The following TMPRSS7 variants were observed in gnomAD, a reference collection of about 807,000 sequenced individuals.
TMPRSS7 encodes transmembrane serine protease 7.
Under a neutral mutation model 95.6 loss-of-function variants are expected in TMPRSS7, and 81 were observed. The observed-to-expected ratio is 0.85, with a 90% CI of 0.71 to 1.02. The LOEUF is 1.02. Ranked by LOEUF, TMPRSS7 falls within the 50% of genes least tolerant of loss-of-function variation. The pLI, the probability that TMPRSS7 is intolerant of heterozygous loss-of-function variation, is 0.00. For missense variants in TMPRSS7, 945 were observed against 955.2 expected (o/e 0.99, Z 0.14); for synonymous variants, 364 against 337.8 (o/e 1.08, Z -0.85).
intron 9 of TMPRSS7, among the ~76,000 whole-genome samples, chr3:112,051,855 C>T (rs1057036213): frequency 2.0e-5 from 3 of 152,026 alleles, no homozygotes; most frequent in Non-Finnish European, 2.9e-5. Context: ...TACGTATAGA[C>T]TCATTATTGT....
chr3:112,065,102 G>A (rs1244851271), intron 12 of TMPRSS7, among the ~76,000 whole-genome samples: 2 of 152,172 alleles, frequency 1.3e-5, no homozygotes, highest in Non-Finnish European at 2.9e-5. Context: ...GAGCAGTGGT[G>A]TGATCATAGC....
At chr3:112,076,914 T>G in exon 16 of TMPRSS7, 1 of 1,614,190 alleles carries the variant, frequency 6.2e-7, no homozygotes, top group South Asian at 1.1e-5. Flanking sequence ...CACCTCGGGA[T>G]GTATGTTCAG....
chr3:112,048,712 T>G (rs1289645486), intron 7 of TMPRSS7, among the ~76,000 whole-genome samples: 1 of 152,244 alleles, frequency 6.6e-6, no homozygotes, highest in East Asian at 1.9e-4. Context: ...TGGGGATGAA[T>G]GTGCATGTTA....
Position 112,038,090 on chromosome 3 carries a change from C to G in TMPRSS7, c.67C>G (p.Gln23Glu), listed in dbSNP as rs758056596. The G allele has an allele frequency of 4.1e-5, 29 of 702,292 alleles. No individual in the cohort carries two copies. The Middle Eastern group carries it at 6.8e-4, about 17-fold the overall frequency. The allele number at this position is 702,292 out of a possible 1,614,324, so 43.5% of individuals were successfully genotyped here. Residue 23 changes from glutamine to glutamate, a missense_variant, in exon 2 of 18, where the codon CAA becomes GAA. Transcript: ENST00000452346. ...TTTGAAGATATCCAATATCTCAGTC[C>G]AAGTGGTCAGTGCCCAAAAGAAGCT... is the stretch of plus-strand genomic sequence containing the variant.
Position 112,046,878 on chromosome 3 carries a change from C to T in TMPRSS7, c.692-96C>T. 2.8e-5 allele frequency: 19 copies of T among 687,824 alleles called. No homozygotes were observed. The South Asian group carries it at 3.0e-4, about 11-fold the overall frequency. The allele number at this position is 687,824 out of a possible 1,614,324, so 42.6% of individuals were successfully genotyped here. A position where few individuals can be genotyped will look rare whatever the true frequency, so the allele number is the denominator to read the frequency against. On this transcript the variant is annotated intron_variant, in intron 5 of 17. Coordinates refer to ENST00000452346, the Ensembl canonical transcript of TMPRSS7. ...GTAAATCCCAGATGTGTTTGATTGC[C>T]TTTAAAGAAGGACTGAAAATAATTT...
intron 12 of TMPRSS7, among the ~76,000 whole-genome samples, chr3:112,064,961 A>G (rs1042042222): frequency 1.3e-5 from 2 of 152,256 alleles, no homozygotes; most frequent in Non-Finnish European, 2.9e-5. Flanking sequence ...TCTTTTGTGT[A>G]TCCTTGGAAA....
intron 9 of TMPRSS7, among the ~76,000 whole-genome samples, chr3:112,051,582 TATC>T (rs2073352499): frequency 2.7e-5 from 4 of 149,818 alleles, no homozygotes; most frequent in Admixed American, 1.3e-4. Context: ...TATCTATCTA[TATC>T]TATCTCTATT....
chr3:112,047,003 A>G (rs1307132077), exon 6 of TMPRSS7: 2 of 702,832 alleles, frequency 2.8e-6, no homozygotes, highest in Non-Finnish European at 5.2e-6. Context: ...CTCGTCAACC[A>G]TAGGATCTGG....
Position 112,074,219 on chromosome 3 carries a change from A to G in TMPRSS7, c.1667-77A>G. The G allele has an allele frequency of 4.0e-6, 4 of 1,004,020 alleles. No homozygotes were observed. The South Asian group carries it at 5.5e-5, about 14-fold the overall frequency. The allele number at this position is 1,004,020 out of a possible 1,614,324, so 62.2% of individuals were successfully genotyped here. On this transcript the variant is annotated intron_variant, in intron 13 of 17. Coordinates refer to ENST00000452346, the Ensembl canonical transcript of TMPRSS7. ...TTAAACCATTTTTTATGGGGTTTGG[A>G]GTTATTCATTCAAATCTCATTCACT...
At chr3:112,047,516 T>C in intron 6 of TMPRSS7, 2 of 648,396 alleles carry the variant, frequency 3.1e-6, no homozygotes, top group Non-Finnish European at 5.7e-6. Context: ...CCTCTGAAAC[T>C]AGGGGTGAGT....
chr3:112,077,725 G>A (rs533600635), intron 16 of TMPRSS7, among the ~76,000 whole-genome samples: 5 of 152,194 alleles, frequency 3.3e-5, no homozygotes, highest in African/African-American at 9.6e-5. Context: ...TTTCTCTGAC[G>A]GGAGAGGACA....
intron 9 of TMPRSS7, among the ~76,000 whole-genome samples, chr3:112,055,273 A>G (rs2073418370): frequency 6.6e-6 from 1 of 152,092 alleles, no homozygotes; most frequent in East Asian, 1.9e-4. Context: ...AAAGTTACTT[A>G]TCTTGGTTAG....
intron 7 of TMPRSS7, 26 bp from the exon 8 acceptor site, chr3:112,049,818 A>G (rs1189673806): frequency 2.0e-6 from 3 of 1,500,634 alleles, no homozygotes; most frequent in Non-Finnish European, 2.7e-6. Context: ...TTATTCATGT[A>G]CTTTTGTTTT....
intron 6 of TMPRSS7, 27 bp downstream of exon 6, chr3:112,047,039 C>T (rs2073287448): frequency 1.4e-6 from 1 of 701,354 alleles, no homozygotes; most frequent in Non-Finnish European, 2.6e-6. Flanking sequence ...GGTTCCCCCT[C>T]CCCCCATGTT....
intron 15 of TMPRSS7, 48 bp downstream of exon 15, chr3:112,075,540 A>G: frequency 7.5e-7 from 1 of 1,328,420 alleles, no homozygotes; most frequent in East Asian, 2.8e-5. Flanking sequence ...GTGGCCATAG[A>G]CAATATATCT....
At chr3:112,053,931 A>G (rs1325576162) in intron 9 of TMPRSS7, among the ~76,000 whole-genome samples, 2 of 152,258 alleles carry the variant, frequency 1.3e-5, no homozygotes, top group Non-Finnish European at 2.9e-5. Flanking sequence ...GAAAAGGAAT[A>G]TGCAGCAGTG....
At chr3:112,041,771 A>C (rs541902435) in intron 2 of TMPRSS7, 149 bp from the exon 3 acceptor site, 2 of 602,712 alleles carry the variant, frequency 3.3e-6, no homozygotes, top group South Asian at 4.1e-5. Flanking sequence ...TGTTACCTAC[A>C]TTTAAAAGTT....
chr3:112,080,163 T>C (rs2073760427), intron 17 of TMPRSS7, among the ~76,000 whole-genome samples: 1 of 152,224 alleles, frequency 6.6e-6, no homozygotes, highest in Admixed American at 6.5e-5. Flanking sequence ...ATCTACCCTC[T>C]AAAATAGGAA....
intron 17 of TMPRSS7, among the ~76,000 whole-genome samples, chr3:112,079,662 G>C (rs1425616945): frequency 6.6e-6 from 1 of 152,122 alleles, no homozygotes; most frequent in African/African-American, 2.4e-5. Context: ...AGGGTGAGTA[G>C]GACAGTGGGA....
Sources: gnomAD v4.1 joint callset for allele counts (sites outside exome capture counted in the v4.1 genomes callset) on GRCh38, gnomAD v4.1.1 for gene constraint, MANE v1.5 for transcripts, NCBI Gene and HGNC (gene_info 2026-07-23, HGNC 2026-07-21) for gene names.